Variants in EPB41L1 observed in about 807,000 individuals in gnomAD.
EPB41L1 encodes erythrocyte membrane protein band 4.1 like 1, also known as band 4.1-like protein 1.
Under a neutral mutation model 97.8 loss-of-function variants are expected in EPB41L1, and 29 were observed. The ratio of observed to expected loss-of-function variants is 0.30; its 90% CI spans 0.22 to 0.40. The LOEUF (loss-of-function observed/expected upper bound fraction) is 0.40. EPB41L1 is among the 10% of genes least tolerant of loss of function. EPB41L1 has a pLI of 1.00. For synonymous variants in EPB41L1, 383 were observed against 459.2 expected (o/e 0.83, Z 2.12); for missense variants, 812 against 1,162.3 (o/e 0.70, Z 4.38).
intron 2 of EPB41L1, among the ~76,000 whole-genome samples, chr20:36,137,711 A>G (rs2059473563): frequency 6.6e-6 from 1 of 151,982 alleles, no homozygotes; most frequent in Non-Finnish European, 1.5e-5. Flanking sequence ...TTTAGTAAAG[A>G]TGAGTTTTCT....
intron 1 of EPB41L1, among the ~76,000 whole-genome samples, chr20:36,100,575 A>G (rs886135771): frequency 1.3e-5 from 2 of 152,240 alleles, no homozygotes; most frequent in African/African-American, 4.8e-5. Flanking sequence ...CAAGTGAGGC[A>G]GAGATGATGA....
intron 2 of EPB41L1, among the ~76,000 whole-genome samples, chr20:36,146,673 G>C (rs1046658709): frequency 6.6e-6 from 1 of 152,230 alleles, no homozygotes; most frequent in Non-Finnish European, 1.5e-5. Flanking sequence ...AGCAGTGCCA[G>C]CTTCTGGAAG....
intron 16 of EPB41L1, among the ~76,000 whole-genome samples, chr20:36,213,219 G>A (rs2063233485): frequency 6.6e-6 from 1 of 152,084 alleles, no homozygotes; most frequent in South Asian, 2.1e-4. Context: ...GCAATATAGG[G>A]AGACCCCAGC....
chr20:36,158,672 C>T (rs1359030309), intron 1 of EPB41L1, among the ~76,000 whole-genome samples: 2 of 152,172 alleles, frequency 1.3e-5, no homozygotes, highest in Non-Finnish European at 2.9e-5. Context: ...GTATTAGCCA[C>T]GTGGCCTTGG....
At chr20:36,153,926 A>G (rs1569147844), upstream of EPB41L1, among the ~76,000 whole-genome samples, 1 of 152,132 alleles carries the variant, frequency 6.6e-6, no homozygotes, top group Non-Finnish European at 1.5e-5. Flanking sequence ...CTCTGCCACA[A>G]GCTGCTTGGC....
intron 2 of EPB41L1, among the ~76,000 whole-genome samples, chr20:36,133,872 A>C (rs932404377): frequency 2.0e-5 from 3 of 151,844 alleles, no homozygotes; most frequent in African/African-American, 4.8e-5. Flanking sequence ...AAAAAAAAAA[A>C]AGTAACAATA....
At chr20:36,196,894 C>G (rs1350594015) in intron 13 of EPB41L1, among the ~76,000 whole-genome samples, 2 of 152,212 alleles carry the variant, frequency 1.3e-5, no homozygotes, top group Non-Finnish European at 2.9e-5. Context: ...CTCCCTTGAC[C>G]TAAGGAGATG....
intron 15 of EPB41L1, among the ~76,000 whole-genome samples, chr20:36,210,300 C>G (rs2063059814): frequency 6.6e-6 from 1 of 152,010 alleles, no homozygotes; most frequent in Non-Finnish European, 1.5e-5. Flanking sequence ...TCTCTGGGGT[C>G]TGGGCTTCCC....
At chr20:36,199,690 C>T (rs992473907) in intron 14 of EPB41L1, among the ~76,000 whole-genome samples, 13 of 152,176 alleles carry the variant, frequency 8.5e-5, no homozygotes, top group Non-Finnish European at 1.5e-4. Context: ...GGCTGGGTGG[C>T]GGAGGCTGGT....
At chr20:36,222,443 G>C (rs567005036) in intron 21 of EPB41L1, 49 bp downstream of exon 21, 66 of 1,467,642 alleles carry the variant, frequency 4.5e-5, no homozygotes, top group Non-Finnish European at 5.8e-5. Flanking sequence ...GGGAGCAGTA[G>C]CAAGATCCTC....
upstream of EPB41L1, chr20:36,154,631 C>A (rs1423365396): frequency 2.4e-6 from 2 of 823,570 alleles, no homozygotes; most frequent in Non-Finnish European, 2.7e-6. This position sits in a 1 kb window ranked among gnomAD's most constrained non-coding sequence, Gnocchi z 5.5. Context: ...GCTCCGAGGC[C>A]GGGGCGGGGG....
intron 2 of EPB41L1, among the ~76,000 whole-genome samples, chr20:36,121,302 C>T (rs572431439): frequency 1.3e-5 from 2 of 152,268 alleles, no homozygotes; most frequent in East Asian, 1.9e-4. Context: ...AACTTCATAT[C>T]GTTCTCTGGC....
intron 1 of EPB41L1, among the ~76,000 whole-genome samples, chr20:36,097,998 T>C (rs2147473348): frequency 6.6e-6 from 1 of 152,156 alleles, no homozygotes; most frequent in Non-Finnish European, 1.5e-5. Context: ...TGACAGAGGA[T>C]GGTTGGTCTG....
chr20:36,153,060 G>A (rs1012765252), upstream of EPB41L1: 1 of 456,760 alleles, frequency 2.2e-6, no homozygotes, highest in Non-Finnish European at 4.4e-6. Flanking sequence ...GGGGAGTGAA[G>A]GCACCGGAAG....
intron 2 of EPB41L1, among the ~76,000 whole-genome samples, chr20:36,123,471 C>T (rs770119702): frequency 2.6e-5 from 4 of 152,208 alleles, no homozygotes; most frequent in South Asian, 4.1e-4. Context: ...GACAGAATCT[C>T]GCTCTGTTGC....
chr20:36,175,676 C>A lies in EPB41L1; in HGVS notation c.303C>A (p.Val101=). 1 of 1,614,110 alleles carries A rather than the reference C, an allele frequency of 6.2e-7. No homozygotes were observed. Among genetic ancestry groups the A allele is most frequent in the South Asian group, 1.1e-5 (1 of 91,060 alleles). The change falls in exon 3 of 22, where the codon GTC becomes GTA. Residue 101 remains valine (V), a synonymous_variant. Transcript: ENST00000338074. ...AATACAAGAGTGCCATCTGCCGGGT[C>A]ACTCTGCTTGATGCCTCGGAGTATG... The part of the protein sequence containing the change: ...AKKYKSAICR[V]TLLDASEYEC...
Position 36,141,342 on chromosome 20 carries a change from A to AT in EPB41L1, c.-10+28872dup, listed in dbSNP as rs370318040. Among the ~76,000 whole-genome samples, 896 of 150,188 alleles carry AT rather than the reference A, an allele frequency of 6.0e-3. 12 individuals are homozygous for AT. The highest frequency in any genetic ancestry group is 0.055 in the East Asian group (281 of 5,130). ...GTTCACTACGACTGTCATCTTTATT[A>AT]TTTTTTTTTTCTTTTACTGTCAGAT... On this transcript the variant is annotated intron_variant, in intron 2 of 19. Transcript: ENST00000202028.
chr20:36,121,684 A>T (rs2058756245), intron 2 of EPB41L1: 1 of 152,108 alleles, frequency 6.6e-6, no homozygotes, highest in Non-Finnish European at 1.5e-5. Flanking sequence ...CACTGGGCTG[A>T]GTAGCTCATC....
intron 1 of EPB41L1, among the ~76,000 whole-genome samples, chr20:36,099,134 A>C (rs2057927766): frequency 6.6e-6 from 1 of 152,142 alleles, no homozygotes; most frequent in Non-Finnish European, 1.5e-5. Context: ...GTGCCACTGC[A>C]CTCTAGCCTG....
Sources: allele counts gnomAD v4.1 joint callset (sites outside exome capture counted in the v4.1 genomes callset), GRCh38; gene constraint gnomAD v4.1.1; non-coding constraint Gnocchi (gnomAD v3.1); transcripts MANE v1.5; gene names NCBI Gene and HGNC (gene_info 2026-07-23, HGNC 2026-07-21).